The following SLC20A2 variants were observed in gnomAD, a reference collection of about 807,000 sequenced individuals.
SLC20A2 encodes the protein solute carrier family 20 member 2, also known as sodium-dependent phosphate transporter 2.
A neutral mutation model predicts 61.0 loss-of-function variants in SLC20A2; 30 were observed. The ratio of observed to expected loss-of-function variants is 0.49; its 90% CI spans 0.37 to 0.67. The LOEUF is 0.67. SLC20A2 is among the 30% of genes least tolerant of loss of function. The probability of loss-of-function intolerance (pLI) is 0.00; values close to 1 mark genes in which losing one functional copy is unlikely to be tolerated. For synonymous variants in SLC20A2, 351 were observed against 353.3 expected, an observed-to-expected ratio of 0.99 and a Z score of 0.07; for missense variants, 626 against 866.4, an observed-to-expected ratio of 0.72 and a Z score of 3.48.
At chr8:42,468,046 G>A (rs183472477) in intron 2 of SLC20A2, among the ~76,000 whole-genome samples, 1 of 151,824 alleles carries the variant, frequency 6.6e-6, no homozygotes, top group Non-Finnish European at 1.5e-5. Flanking sequence ...GGGACTACAG[G>A]TGCCCGCTAC....
intron 10 of SLC20A2, among the ~76,000 whole-genome samples, chr8:42,424,608 A>AC (rs751438342): frequency 1.3e-5 from 2 of 152,238 alleles, no homozygotes; most frequent in Non-Finnish European, 2.9e-5. Context: ...CATCAAACAG[A>AC]CTGCCTTATA....
chr8:42,462,157 C>G (rs1806759492), intron 4 of SLC20A2, among the ~76,000 whole-genome samples: 1 of 151,904 alleles, frequency 6.6e-6, no homozygotes, highest in Non-Finnish European at 1.5e-5. Context: ...AGCATGGATT[C>G]CAGAGACAGG....
chr8:42,533,651 G>GTTCTTTTTTTCTTTTTTTT (rs1380902729), intron 1 of SLC20A2, among the ~76,000 whole-genome samples: 1 of 89,736 alleles, frequency 1.1e-5, no homozygotes, highest in Non-Finnish European at 2.1e-5. Context: ...ATGATCAACT[G>GTTCTTTTTTTCTTTTTTTT]TTCTTTTTTT....
rs1367342000 is a variant in SLC20A2 at position 42,428,761 on chromosome 8, A to C, written c.1791T>G (p.Cys597Trp). 1 of 1,610,936 alleles carries C rather than the reference A, an allele frequency of 6.2e-7. No homozygotes were observed. Residue 597 changes from cysteine to tryptophan, a missense_variant, in exon 10 of 11, where the codon TGT becomes TGG. This residue lies in a region of SLC20A2 where 138 missense variants were observed against 228.7 expected (regional missense o/e 0.60). Transcript: ENST00000520262. ...CTCCCGGCTAGCAGGGGCCTACCTTACAGTGCGTGGTGCTGACTGGAAGCC... is the reference window on the plus strand; with the variant it reads ...CTCCCGGCTAGCAGGGGCCTACCTTCCAGTGCGTGGTGCTGACTGGAAGCC... Reference protein sequence around the residue: ...NIGLPVSTTHCKVGSVVAVGW... With the variant: ...NIGLPVSTTHWKVGSVVAVGW...
At chr8:42,478,237 A>T (rs1194506991) in intron 1 of SLC20A2, among the ~76,000 whole-genome samples, 4 of 116,488 alleles carry the variant, frequency 3.4e-5, no homozygotes, top group South Asian at 5.4e-4. Flanking sequence ...TTTGAGATGT[A>T]GTCTCACTCT....
chr8:42,439,630 A>C lies in SLC20A2; in HGVS notation c.754T>G (p.Leu252Val). Reference sequence around the variant, plus strand: ...AGGCTTTCGTCAGATACTCGTGATAAAGCACCTTCTTTTTGTAATTTGCCT... The same window carrying C: ...AGGCTTTCGTCAGATACTCGTGATACAGCACCTTCTTTTTGTAATTTGCCT... ...ITGKLQKEGA[L>V]SRVSDESLSK... is the part of the protein sequence containing the mutation. Residue 252 changes from leucine to valine, a missense_variant, in exon 7 of 11, where the codon TTA (leucine) becomes GTA (valine). By Grantham distance (32) the Leu-to-Val change is conservative (BLOSUM62 1). Around this residue, in one of 3 missense-constraint regions of SLC20A2, gnomAD observed 361 missense variants for 422.3 expected, o/e 0.85. Coordinates refer to ENST00000520262, the MANE Select transcript of SLC20A2 (RefSeq NM_001257180.2). 1 of 1,614,122 alleles carries C rather than the reference A, an allele frequency of 6.2e-7. No individual in the cohort carries two copies. Among genetic ancestry groups the C allele is most frequent in the South Asian group, 1.1e-5 (1 of 91,084 alleles).
At chr8:42,524,336 CATG>C (rs1236262343) in intron 1 of SLC20A2, among the ~76,000 whole-genome samples, 1 of 152,042 alleles carries the variant, frequency 6.6e-6, no homozygotes, top group Non-Finnish European at 1.5e-5. Context: ...TTCAAAATAA[CATG>C]GTGGTGGGGG....
intron 2 of SLC20A2, among the ~76,000 whole-genome samples, chr8:42,470,848 C>T: frequency 6.6e-6 from 1 of 151,798 alleles, no homozygotes; most frequent in East Asian, 1.9e-4. Context: ...GTGGCACACG[C>T]CTTTAGTCTC....
intron 10 of SLC20A2, among the ~76,000 whole-genome samples, chr8:42,424,334 G>A (rs1803248345): frequency 6.6e-6 from 1 of 151,818 alleles, no homozygotes; most frequent in Admixed American, 6.6e-5. Context: ...GGGTGCGGGG[G>A]GGGATAGTTT....
In SLC20A2 at chr8:42,465,816, C is replaced by A. The variant is rs751587953; in HGVS notation, c.391G>T (p.Gly131Cys). 6.2e-7 allele frequency: 1 copy of A among 1,613,958 alleles called. No individual in the cohort carries two copies. The highest frequency in any genetic ancestry group is 1.1e-5 in the South Asian group (1 of 91,016). Residue 131 changes from glycine to cysteine, a missense_variant, in exon 3 of 11, where the codon GGT becomes TGT. By Grantham distance (159) the Gly-to-Cys change is radical (BLOSUM62 -3). Around this residue, in one of 3 missense-constraint regions of SLC20A2, gnomAD observed 127 missense variants for 215.4 expected, o/e 0.59. Coordinates refer to ENST00000520262, the MANE Select transcript of SLC20A2 (RefSeq NM_001257180.2). ...TCCATCCACTGCACACCTTTGGTAC[C>A]GATTGCGACCAGTGAGAATCCTATA... is the stretch of plus-strand genomic sequence containing the variant. Reference protein sequence around the residue: ...STIGFSLVAIGTKGVQWMELV... With the variant: ...STIGFSLVAICTKGVQWMELV...
intron 1 of SLC20A2, chr8:42,484,561 T>A (rs1343847220): frequency 1.8e-5 from 3 of 163,812 alleles, no homozygotes; most frequent in African/African-American, 7.2e-5. Flanking sequence ...TAATTCCCCA[T>A]GCACGATAAA....
intron 1 of SLC20A2, among the ~76,000 whole-genome samples, chr8:42,530,969 C>T (rs1392276031): frequency 1.3e-5 from 2 of 152,192 alleles, no homozygotes; most frequent in African/African-American, 4.8e-5. Flanking sequence ...ATCTGCCCGC[C>T]TCGGCCTCCC....
At chr8:42,455,704 T>C (rs190834864) in intron 5 of SLC20A2, among the ~76,000 whole-genome samples, 2 of 152,270 alleles carry the variant, frequency 1.3e-5, no homozygotes, top group East Asian at 3.9e-4. Context: ...TTAACTGCTA[T>C]ATTACATACC....
chr8:42,500,052 T>A (rs1258269792), intron 1 of SLC20A2, among the ~76,000 whole-genome samples: 2 of 152,170 alleles, frequency 1.3e-5, no homozygotes, highest in African/African-American at 4.8e-5. Context: ...AATGGGAAAA[T>A]GGCTTTCACA....
At chr8:42,506,363 C>T (rs770774512) in intron 1 of SLC20A2, among the ~76,000 whole-genome samples, 1 of 152,146 alleles carries the variant, frequency 6.6e-6, no homozygotes, top group South Asian at 2.1e-4. Flanking sequence ...TTGGCTTCCT[C>T]GCCTGTAAAA....
chr8:42,533,654 C>CTTTTTTTCTTTTTTTTTGTTTTTTTTT (rs1253260874), intron 1 of SLC20A2, among the ~76,000 whole-genome samples: 1 of 55,310 alleles, frequency 1.8e-5, no homozygotes, highest in Non-Finnish European at 3.3e-5. Flanking sequence ...ATCAACTGTT[C>CTTTTTTTCTTTTTTTTTGTTTTTTTTT]TTTTTTTTTT....
At chr8:42,483,235 G>A (rs1414148074) in intron 1 of SLC20A2, among the ~76,000 whole-genome samples, 1 of 151,900 alleles carries the variant, frequency 6.6e-6, no homozygotes, top group Non-Finnish European at 1.5e-5. Context: ...GGTGGGCATG[G>A]TGGCAGGTGC....
chr8:42,518,254 A>T (rs936721702), intron 1 of SLC20A2, among the ~76,000 whole-genome samples: 14 of 152,208 alleles, frequency 9.2e-5, no homozygotes, highest in Non-Finnish European at 1.6e-4. Flanking sequence ...TTTTTTAAAG[A>T]AAGGAAACAT....
rs575767591 is a variant in SLC20A2 at position 42,497,347 on chromosome 8, G to A, written c.-265+3684C>T. ...CATCCAGCAGACCTCAAATGTCAAC[G>A]TGCACCAGAATCACTTGGGAGATTT... On this transcript the variant is annotated intron_variant, in intron 1 of 10. Transcript: ENST00000520262. 3.3e-5 allele frequency among the ~76,000 whole-genome samples: 5 copies of A among 152,240 alleles called. No homozygotes were observed. The East Asian group carries it at 5.8e-4, about 18-fold the overall frequency.
Sources: allele counts gnomAD v4.1 joint callset (sites outside exome capture counted in the v4.1 genomes callset), GRCh38; gene constraint gnomAD v4.1.1; regional missense constraint gnomAD v4.1.1; transcripts MANE v1.5; gene names NCBI Gene and HGNC (gene_info 2026-07-23, HGNC 2026-07-21).